The following PRKG1 variants were observed in gnomAD, a reference collection of about 807,000 sequenced individuals.
PRKG1 encodes the protein protein kinase cGMP-dependent 1.
PRKG1 carries 35 observed loss-of-function variants against 88.1 expected under a neutral mutation model. That is an observed-to-expected ratio of 0.40 (90% CI 0.30 to 0.53). PRKG1 has a LOEUF of 0.53. PRKG1 is among the 20% of genes least tolerant of loss of function. PRKG1 has a pLI of 0.59. For synonymous variants in PRKG1, 303 were observed against 292.5 expected, an observed-to-expected ratio of 1.04 and a Z score of -0.37; for missense variants, 540 against 839.8, an observed-to-expected ratio of 0.64 and a Z score of 4.41.
intron 7 of PRKG1, among the ~76,000 whole-genome samples, chr10:52,071,991 A>G (rs192564011): frequency 2.0e-4 from 30 of 152,068 alleles, no homozygotes; most frequent in Admixed American, 2.0e-4. Context: ...GAAATGCTCC[A>G]GGGCTCTGGC....
At chr10:51,347,664 CAG>C (rs1554797793) in intron 2 of PRKG1, among the ~76,000 whole-genome samples, 2 of 152,056 alleles carry the variant, frequency 1.3e-5, no homozygotes, top group Non-Finnish European at 2.9e-5. Context: ...ATAAGATTAA[CAG>C]AAGGCTTTAC....
intron 2 of PRKG1, among the ~76,000 whole-genome samples, chr10:51,327,397 A>G (rs1841619939): frequency 6.6e-6 from 1 of 151,192 alleles, no homozygotes; most frequent in Non-Finnish European, 1.5e-5. Flanking sequence ...AGTCTGGGCT[A>G]CAGAGTGAGA....
chr10:51,152,291 C>T (rs1846091541), intron 1 of PRKG1, among the ~76,000 whole-genome samples: 1 of 151,992 alleles, frequency 6.6e-6, no homozygotes, highest in African/African-American at 2.4e-5. Flanking sequence ...AATCCCATAC[C>T]TAAAACATGT....
intron 4 of PRKG1, among the ~76,000 whole-genome samples, chr10:51,885,041 TCA>T (rs1031281809): frequency 1.3e-5 from 2 of 152,216 alleles, no homozygotes; most frequent in African/African-American, 2.4e-5. Context: ...TCACTTTCTT[TCA>T]GCTTCATTAC....
chr10:51,404,796 GAGAGCAGAAA>G lies in PRKG1; in HGVS notation c.479-62926_479-62917del, dbSNP rs543367884. On this transcript the variant is annotated intron_variant, in intron 2 of 17. Coordinates refer to ENST00000373980, the MANE Select transcript of PRKG1 (RefSeq NM_006258.4). Reference sequence around the variant, plus strand: ...TGTCAAATGCACATTTTTGGCCATGGAGAGCAGAAATCTCTCCTGCCCTTTCATTCTCTCA... The same window carrying G: ...TGTCAAATGCACATTTTTGGCCATGGTCTCTCCTGCCCTTTCATTCTCTCA... 3.2e-4 allele frequency among the ~76,000 whole-genome samples: 48 copies of G among 152,288 alleles called. 1 individual carries two copies. The highest frequency in any genetic ancestry group is 1.1e-3 in the African/African-American group (45 of 41,572).
At chr10:51,285,363 A>G (rs1269339942) in intron 2 of PRKG1, among the ~76,000 whole-genome samples, 1 of 152,100 alleles carries the variant, frequency 6.6e-6, no homozygotes, top group Non-Finnish European at 1.5e-5. Context: ...TTAGGTTCAC[A>G]ACTTTTTTCT....
chr10:51,673,610 T>G (rs2132353527), intron 3 of PRKG1, among the ~76,000 whole-genome samples: 1 of 152,350 alleles, frequency 6.6e-6, no homozygotes, highest in East Asian at 1.9e-4. Context: ...TCTGGACCAC[T>G]GTAATTTTCA....
At chr10:51,138,692 T>G (rs1167324386) in intron 1 of PRKG1, among the ~76,000 whole-genome samples, 1 of 136,482 alleles carries the variant, frequency 7.3e-6, no homozygotes, top group African/African-American at 2.7e-5. Context: ...TTTTTTTTTT[T>G]TTTTTTTTTG....
intron 3 of PRKG1, among the ~76,000 whole-genome samples, chr10:51,677,911 A>G (rs946373107): frequency 6.6e-6 from 1 of 152,194 alleles, no homozygotes; most frequent in African/African-American, 2.4e-5. Context: ...TTTTGGTTTC[A>G]TGGTCAACCT....
rs185089420 is a variant in PRKG1, at chr10:52,131,212, T to G, written c.936-2628T>G. On this transcript the variant is annotated intron_variant, in intron 7 of 17. Coordinates refer to ENST00000373980, the MANE Select transcript of PRKG1 (RefSeq NM_006258.4). ...TAAGCATGTTGTATGTGTGAGGCAT[T>G]TGGGATGAAACGGGGAGCAAAGCCA... Among the ~76,000 whole-genome samples the G allele has an allele frequency of 2.2e-3, 340 of 152,230 alleles. 2 individuals carry two copies. Among genetic ancestry groups the G allele is most frequent in the African/African-American group, 7.7e-3 (319 of 41,534 alleles).
intron 7 of PRKG1, among the ~76,000 whole-genome samples, chr10:52,092,020 G>A (rs937741060): frequency 1.3e-5 from 2 of 152,172 alleles, no homozygotes; most frequent in Non-Finnish European, 2.9e-5. Context: ...GGTTACCAGC[G>A]TTTCCTTCTT....
intron 3 of PRKG1, among the ~76,000 whole-genome samples, chr10:51,596,983 T>G (rs1309607296): frequency 6.6e-6 from 1 of 152,212 alleles, no homozygotes; most frequent in African/African-American, 2.4e-5. Flanking sequence ...ACTGATTACT[T>G]ACTTTCTCTG....
intron 2 of PRKG1, among the ~76,000 whole-genome samples, chr10:51,435,440 A>G (rs982238134): frequency 1.3e-5 from 2 of 150,338 alleles, no homozygotes; most frequent in Admixed American, 6.6e-5. Flanking sequence ...ATATATATAT[A>G]TATGTCATAT....
intron 7 of PRKG1, among the ~76,000 whole-genome samples, chr10:52,070,634 A>AT (rs1846473642): frequency 6.6e-6 from 1 of 151,968 alleles, no homozygotes; most frequent in African/African-American, 2.4e-5. Flanking sequence ...CCTCATCATC[A>AT]TATGTCCTTA....
chr10:51,029,499 A>G (rs913390876), intron 1 of PRKG1, among the ~76,000 whole-genome samples: 2 of 152,146 alleles, frequency 1.3e-5, no homozygotes, highest in African/African-American at 4.8e-5. Context: ...TCATGCCGGA[A>G]TGTCAGAAGT....
At chr10:51,564,922 T>G (rs1837561102) in intron 3 of PRKG1, among the ~76,000 whole-genome samples, 1 of 152,134 alleles carries the variant, frequency 6.6e-6, no homozygotes, top group African/African-American at 2.4e-5. Context: ...TCATGCTTTG[T>G]GGAGAATAGC....
chr10:52,228,626 C>T (rs1284742942), intron 9 of PRKG1, among the ~76,000 whole-genome samples: 2 of 152,168 alleles, frequency 1.3e-5, no homozygotes, highest in East Asian at 3.9e-4. Flanking sequence ...AAGGATATGG[C>T]ACAGTGCCAG....
At position 51,355,786 on chromosome 10, in the gene PRKG1, G is replaced by A. The variant is rs182149153; in HGVS notation, c.479-111937G>A. Among the ~76,000 whole-genome samples, 527 of 152,060 alleles carry A rather than the reference G, an allele frequency of 3.5e-3. 1 individual carries two copies. The highest frequency in any genetic ancestry group is 0.012 in the African/African-American group (501 of 41,514). On this transcript the variant is annotated intron_variant, in intron 2 of 17. Coordinates refer to ENST00000373980, the MANE Select transcript of PRKG1 (RefSeq NM_006258.4). The stretch of plus-strand genomic sequence containing the variant: ...AAAAATTGCCTAGGATTTTTAATGT[G>A]GGTGGCTGGTCTTTGATGAATGTTG...
chr10:52,201,084 T>C (rs1839653660), intron 9 of PRKG1, among the ~76,000 whole-genome samples: 1 of 152,198 alleles, frequency 6.6e-6, no homozygotes, highest in Non-Finnish European at 1.5e-5. Flanking sequence ...AGCTTTTGTT[T>C]TTGTTGCAAT....
Sources: allele counts gnomAD v4.1 joint callset (sites outside exome capture counted in the v4.1 genomes callset), GRCh38; gene constraint gnomAD v4.1.1; transcripts MANE v1.5; gene names NCBI Gene and HGNC (gene_info 2026-07-23, HGNC 2026-07-21).